Variants in ITGA6 observed in about 807,000 individuals in gnomAD.
ITGA6 encodes the protein integrin alpha-6.
A neutral mutation model predicts 133.6 loss-of-function variants in ITGA6; 63 were observed. The observed-to-expected ratio is 0.47, with a 90% confidence interval of 0.38 to 0.58. ITGA6 has a LOEUF of 0.58. Among genes scored for constraint, ITGA6 ranks in the 20% least tolerant of loss-of-function variants. ITGA6 has a pLI of 0.00. For synonymous variants in ITGA6, 434 were observed against 482.0 expected, an observed-to-expected ratio of 0.90 and a Z score of 1.30; for missense variants, 1,068 against 1,309.4, an observed-to-expected ratio of 0.82 and a Z score of 2.85.
rs1304828066 is a variant in ITGA6, at chr2:172,434,289, T to TAATTA, written c.182+6320_182+6324dup. 3.9e-5 allele frequency among the ~76,000 whole-genome samples: 6 copies of TAATTA among 152,276 alleles called. 1 individual carries two copies. Among genetic ancestry groups the TAATTA allele is most frequent in the African/African-American group, 1.4e-4 (6 of 41,560 alleles). Reference sequence around the variant, plus strand: ...GGAATTAAGTTAAAAGGCTAATTGTTAATTAGCCCTGAACTGGGGCAGGTA... The same window carrying TAATTA: ...GGAATTAAGTTAAAAGGCTAATTGTTAATTAAATTAGCCCTGAACTGGGGCAGGTA... On this transcript the variant is annotated intron_variant, in intron 1 of 25. Transcript: ENST00000684293.
Position 172,441,559 on chromosome 2 carries a change from TAAAAAAAAAAAAAAAAAAAA to T in ITGA6, c.182+13606_182+13625del, listed in dbSNP as rs57828626. On this transcript the variant is annotated intron_variant, in intron 1 of 25. Coordinates refer to ENST00000684293, the MANE Select transcript of ITGA6 (RefSeq NM_000210.4). ...TAACAGAGTGGAGACGCTGTCTCTT[TAAAAAAAAAAAAAAAAAAAA>T]AAAAAAAAAAAAAAAATCAAACCTC... is the stretch of plus-strand genomic sequence containing the variant. Among the ~76,000 whole-genome samples, 47 of 48,854 alleles carry T rather than the reference TAAAAAAAAAAAAAAAAAAAA, an allele frequency of 9.6e-4. 1 individual carries two copies. Among genetic ancestry groups the T allele is most frequent in the African/African-American group, 1.6e-3 (24 of 14,814 alleles). 32.1% of individuals were successfully genotyped at this position (48,854 alleles called of 152,430 possible). A position where few individuals can be genotyped will look rare whatever the true frequency, so the allele number is the denominator to read the frequency against.
chr2:172,447,612 A>AT (rs1337978466), intron 1 of ITGA6, among the ~76,000 whole-genome samples: 8 of 152,138 alleles, frequency 5.3e-5, no homozygotes, highest in Admixed American at 5.2e-4. Flanking sequence ...TGCTTTTGTG[A>AT]TTTTTATGTT....
intron 3 of ITGA6, among the ~76,000 whole-genome samples, chr2:172,468,484 G>C (rs1054640049): frequency 2.6e-5 from 4 of 152,198 alleles, no homozygotes; most frequent in African/African-American, 9.6e-5. Context: ...TTTTTAGGCT[G>C]TGTTTACATG....
intron 1 of ITGA6, among the ~76,000 whole-genome samples, chr2:172,438,684 C>T (rs55726436): frequency 0.14 from 22,003 of 151,794 alleles, 2,111 homozygotes; most frequent in Non-Finnish European, 0.18. Context: ...TCAACATCAG[C>T]CTTTACTGTT....
rs567383418 is a variant in ITGA6, at chr2:172,474,231, T to C, written c.952T>C (p.Tyr318His). The C allele has an allele frequency of 5.6e-6, 9 of 1,614,144 alleles. No homozygotes were observed. In the South Asian group the frequency reaches 8.8e-5, roughly 16 times the overall value. Residue 318 changes from tyrosine to histidine, a missense_variant, in exon 6 of 26, where the codon TAT (tyrosine) becomes CAT (histidine). By Grantham distance (83) the Tyr-to-His change is moderately conservative (BLOSUM62 2). This residue lies in a region of ITGA6 where 317 missense variants were observed against 456.9 expected (regional missense o/e 0.69). Coordinates refer to ENST00000684293, the MANE Select transcript of ITGA6 (RefSeq NM_000210.4). ...DGEGLASSFG[Y>H]DVAVVDLNKD... The stretch of plus-strand genomic sequence containing the variant: ...AGAAGGTCTGGCCTCTTCATTTGGC[T>C]ATGATGTGGCGGTGGTGGACCTCAA...
At chr2:172,468,977 G>A (rs898550615) in intron 3 of ITGA6, 148 bp from the exon 4 acceptor site, 2 of 796,104 alleles carry the variant, frequency 2.5e-6, no homozygotes, top group Non-Finnish European at 4.2e-6. Flanking sequence ...GGGAATATTT[G>A]CTGGTCTGGG....
chr2:172,427,400 C>A (rs1250025294), upstream of ITGA6: 2 of 1,019,064 alleles, frequency 2.0e-6, no homozygotes, highest in East Asian at 1.0e-4. Flanking sequence ...TCGCCGCGAG[C>A]TCGCCTCCGG....
At chr2:172,451,242 A>G (rs1684985062) in intron 1 of ITGA6, among the ~76,000 whole-genome samples, 1 of 152,030 alleles carries the variant, frequency 6.6e-6, no homozygotes, top group South Asian at 2.1e-4. Context: ...AGGCCGGTAG[A>G]TCAGTTGAGG....
chr2:172,466,519 C>G (rs1418170746), intron 2 of ITGA6, among the ~76,000 whole-genome samples: 2 of 152,104 alleles, frequency 1.3e-5, no homozygotes, highest in Non-Finnish European at 2.9e-5. Context: ...ACTTAGGAGG[C>G]TGAGGCGTGA....
chr2:172,487,878 G>C (rs1017673134), intron 17 of ITGA6, 71 bp downstream of exon 17: 1 of 1,482,572 alleles, frequency 6.7e-7, no homozygotes, highest in African/African-American at 1.4e-5. Flanking sequence ...AATTGGCCCT[G>C]ATCTACCTCA....
intron 1 of ITGA6, among the ~76,000 whole-genome samples, chr2:172,442,753 C>A (rs2149004184): frequency 6.6e-6 from 1 of 152,254 alleles, no homozygotes; most frequent in Non-Finnish European, 1.5e-5. Context: ...TGTTGTCATG[C>A]CTCTGGAACG....
rs1476456028 is a variant in ITGA6 at position 172,467,664 on chromosome 2, C to T, written c.387+104C>T. ...AGCAGGGAGCATACATTCTAGCGAACTTACTGCTTTAAAGCAGGAATGGAT... is the reference window on the plus strand; with the variant it reads ...AGCAGGGAGCATACATTCTAGCGAATTTACTGCTTTAAAGCAGGAATGGAT... On this transcript the variant is annotated intron_variant, in intron 3 of 25. Transcript: ENST00000684293. 4 of 894,852 alleles carry T rather than the reference C, an allele frequency of 4.5e-6. No homozygotes were observed. The African/African-American group carries it at 6.6e-5, about 15-fold the overall frequency. 55.4% of individuals were successfully genotyped at this position (894,852 alleles called of 1,614,324 possible).
rs1687258323 is a variant in ITGA6, at chr2:172,499,362, A to G, written c.3114+1262A>G. ...ACATTTTTTCAAGGAGATGCCTTGA[A>G]GAAAAAAAAATTTTTTTTGAGACTG... On this transcript the variant is annotated intron_variant, in intron 24 of 25. Coordinates refer to ENST00000684293, the MANE Select transcript of ITGA6 (RefSeq NM_000210.4). Among the ~76,000 whole-genome samples the G allele has an allele frequency of 2.1e-5, 3 of 143,326 alleles. 1 individual carries two copies. In the South Asian group the frequency reaches 6.4e-4, roughly 31 times the overall value. 94.0% of individuals were successfully genotyped at this position (143,326 alleles called of 152,430 possible). A position where few individuals can be genotyped will look rare whatever the true frequency, so the allele number is the denominator to read the frequency against.
chr2:172,475,277 G>A (rs768757515), intron 7 of ITGA6, among the ~76,000 whole-genome samples, 155 bp downstream of exon 7: 17 of 152,170 alleles, frequency 1.1e-4, no homozygotes, highest in Non-Finnish European at 2.5e-4. Flanking sequence ...AGACCAGCCT[G>A]ACCAACATGG....
In ITGA6 at chr2:172,427,595, A is replaced by G. The variant is rs1683896237; in HGVS notation, c.-194A>G. 1.6e-6 allele frequency: 2 copies of G among 1,268,096 alleles called. No homozygotes were observed. Among genetic ancestry groups the G allele is most frequent in the East Asian group, 3.4e-5 (1 of 29,388 alleles). 78.6% of individuals were successfully genotyped at this position (1,268,096 alleles called of 1,614,324 possible). On this transcript the variant is annotated 5_prime_UTR_variant, in exon 1 of 26. Coordinates refer to ENST00000684293, the MANE Select transcript of ITGA6 (RefSeq NM_000210.4). ...CGAGTCTCCAGAGAACAACGGGCTC[A>G]TTCAGCGGTCGCGAGCTGCCCGCGA...
chr2:172,451,628 T>G (rs1264546373), intron 1 of ITGA6, among the ~76,000 whole-genome samples: 2 of 152,144 alleles, frequency 1.3e-5, no homozygotes, highest in African/African-American at 4.8e-5. Context: ...AGAGGTGTTT[T>G]GAGAGTTATC....
Position 172,487,285 on chromosome 2 carries a change from A to G in ITGA6, c.1992A>G (p.Leu664=). ...ATAGTCAAAAAGGTGTACCAGAACT[A>G]GTTCTAAAAGATCAGAAGGATATTG... is the stretch of plus-strand genomic sequence containing the variant. ...YLPIQKGVPE[L]VLKDQKDIAL... is the part of the protein sequence containing the mutation. The change falls in exon 15 of 26, where the codon CTA becomes CTG. Residue 664 remains leucine, a synonymous_variant. Coordinates refer to ENST00000684293, the MANE Select transcript of ITGA6 (RefSeq NM_000210.4). 6.2e-7 allele frequency: 1 copy of G among 1,613,672 alleles called. No homozygotes were observed. Among genetic ancestry groups the G allele is most frequent in the South Asian group, 1.1e-5 (1 of 91,070 alleles).
In ITGA6 at chr2:172,475,063, A is replaced by G; in HGVS notation, c.1121A>G (p.Asp374Gly). The G allele has an allele frequency of 6.2e-7, 1 of 1,609,538 alleles. No individual in the cohort carries two copies. The highest frequency in any genetic ancestry group is 8.5e-7 in the Non-Finnish European group (1 of 1,175,756). The change falls in exon 7 of 26, where the codon GAT (aspartate) becomes GGT (glycine). Residue 374 changes from aspartate to glycine, a missense_variant. Around this residue, in one of 3 missense-constraint regions of ITGA6, gnomAD observed 317 missense variants for 456.9 expected, o/e 0.69. Coordinates refer to ENST00000684293, the MANE Select transcript of ITGA6 (RefSeq NM_000210.4). ...VKPIRLNGTK[D>G]SMFGIAVKNI... ...CCAATTCGTCTTAATGGAACCAAAGATTCTATGTTTGGCATTGCAGTAAAA... is the reference window on the plus strand; with the variant it reads ...CCAATTCGTCTTAATGGAACCAAAGGTTCTATGTTTGGCATTGCAGTAAAA...
At chr2:172,503,904 T>G (rs1687451451) in intron 25 of ITGA6, 187 bp from the exon 26 acceptor site, 2 of 412,816 alleles carry the variant, frequency 4.8e-6, no homozygotes, top group Non-Finnish European at 8.7e-6. Context: ...AGCTGTTCTC[T>G]TCCGTTGATC....
Sources: gnomAD v4.1 joint callset for allele counts (sites outside exome capture counted in the v4.1 genomes callset) on GRCh38, gnomAD v4.1.1 for gene constraint, gnomAD v4.1.1 regional missense constraint, MANE v1.5 for transcripts, NCBI Gene and HGNC (gene_info 2026-07-23, HGNC 2026-07-21) for gene names.